CABIN1: variants seen among roughly 807,000 people sequenced by gnomAD.
CABIN1 encodes the protein calcineurin binding protein 1, also known as calcineurin-binding protein cabin-1.
In CABIN1, 133 loss-of-function variants were observed where a neutral mutation model predicts 227.7. The observed-to-expected ratio is 0.58, with a 90% CI of 0.51 to 0.67. The LOEUF (loss-of-function observed/expected upper bound fraction) is 0.67. CABIN1 is among the 30% of genes least tolerant of loss of function. CABIN1 has a pLI of 0.00. For missense variants in CABIN1, 2,408 were observed against 2,852.5 expected (o/e 0.84, Z 3.55); for synonymous variants, 1,086 against 1,155.1 (o/e 0.94, Z 1.21).
At chr22:24,137,390 A>G (rs2044487591) in intron 29 of CABIN1, among the ~76,000 whole-genome samples, 1 of 152,114 alleles carries the variant, frequency 6.6e-6, no homozygotes, top group Non-Finnish European at 1.5e-5. Flanking sequence ...AGTTTCTGGG[A>G]CCTTCCAAAA....
chr22:24,038,317 G>A, intron 3 of CABIN1, 31 bp from the exon 4 acceptor site: 1 of 1,550,970 alleles, frequency 6.4e-7, no homozygotes, highest in Non-Finnish European at 8.9e-7. Flanking sequence ...TCTTTATGCT[G>A]TATGAAAACA....
At chr22:24,050,747 T>C (rs184599138) in intron 7 of CABIN1, 78 bp from the exon 8 acceptor site, 8 of 1,552,594 alleles carry the variant, frequency 5.2e-6, no homozygotes, top group Middle Eastern at 1.9e-4. Context: ...TTAACCTAAA[T>C]GCATTTTTGT....
At chr22:24,149,226 C>T (rs144415246) in intron 29 of CABIN1, among the ~76,000 whole-genome samples, 1 of 152,358 alleles carries the variant, frequency 6.6e-6, no homozygotes, top group Non-Finnish European at 1.5e-5. Context: ...TCACCCCAGC[C>T]AGCCTCAGGC....
At chr22:24,051,850 A>C (rs1209349401) in intron 8 of CABIN1, among the ~76,000 whole-genome samples, 4 of 151,820 alleles carry the variant, frequency 2.6e-5, no homozygotes, top group South Asian at 2.1e-4. Flanking sequence ...CATAGCACCC[A>C]CTCAGGAAGG....
intron 1 of CABIN1, among the ~76,000 whole-genome samples, chr22:24,017,019 A>G (rs964175358): frequency 2.7e-5 from 4 of 150,672 alleles, no homozygotes; most frequent in African/African-American, 9.7e-5. Flanking sequence ...GTGATAAAAT[A>G]TAAGCAACAT....
chr22:24,169,458 C>T (rs1026138497), intron 33 of CABIN1, among the ~76,000 whole-genome samples: 6 of 152,170 alleles, frequency 3.9e-5, no homozygotes, highest in East Asian at 3.9e-4. Flanking sequence ...ATTACGTCTG[C>T]GGAAGCCCTC....
At chr22:24,064,013 GA>G in intron 14 of CABIN1, 21 bp from the exon 15 acceptor site, 1 of 1,613,894 alleles carries the variant, frequency 6.2e-7, no homozygotes, top group Non-Finnish European at 8.5e-7. Context: ...TTGGTTCCCT[GA>G]CCTGTTTTCC....
chr22:24,112,835 A>G (rs538128089), intron 26 of CABIN1, among the ~76,000 whole-genome samples: 47 of 151,836 alleles, frequency 3.1e-4, no homozygotes, highest in African/African-American at 1.1e-3. Flanking sequence ...TTCCTCCCCC[A>G]CCTCCATGCC....
At chr22:24,058,647 G>A (rs550002235) in intron 10 of CABIN1, among the ~76,000 whole-genome samples, 1 of 152,288 alleles carries the variant, frequency 6.6e-6, no homozygotes, top group Middle Eastern at 3.4e-3. Context: ...CTTAGTTGTT[G>A]GGCTCCCATG....
chr22:24,021,788 G>A (rs1241803250), intron 1 of CABIN1, among the ~76,000 whole-genome samples: 4 of 152,288 alleles, frequency 2.6e-5, no homozygotes, highest in South Asian at 2.1e-4. Flanking sequence ...AGGTTCAAGC[G>A]ATTCTCCTGC....
chr22:24,142,627 C>T (rs762879543), intron 29 of CABIN1, among the ~76,000 whole-genome samples: 5 of 152,170 alleles, frequency 3.3e-5, no homozygotes, highest in South Asian at 2.1e-4. Context: ...TGCCCCCAGG[C>T]GCCAGCCCCA....
At chr22:24,105,696 T>A (rs1324241093) in intron 26 of CABIN1, among the ~76,000 whole-genome samples, 1 of 152,092 alleles carries the variant, frequency 6.6e-6, no homozygotes, top group Non-Finnish European at 1.5e-5. Context: ...CTCTCCTACA[T>A]CAAAGAGGCT....
At chr22:24,130,846 C>T (rs1033871149) in intron 28 of CABIN1, among the ~76,000 whole-genome samples, 5 of 152,212 alleles carry the variant, frequency 3.3e-5, no homozygotes, top group Admixed American at 6.5e-5. Context: ...CACTCTCCAC[C>T]AGTACACAGT....
At chr22:24,081,302 G>T (rs530879209) in intron 19 of CABIN1, among the ~76,000 whole-genome samples, 1 of 152,132 alleles carries the variant, frequency 6.6e-6, no homozygotes, top group African/African-American at 2.4e-5. Context: ...TCTTTTTGGG[G>T]AGTGTTATAA....
intron 1 of CABIN1, among the ~76,000 whole-genome samples, chr22:24,025,596 C>G (rs1315109904): frequency 6.6e-6 from 1 of 152,180 alleles, no homozygotes; most frequent in Non-Finnish European, 1.5e-5. Flanking sequence ...ATTCTTTTAC[C>G]AAATATCAGC....
intron 18 of CABIN1, 26 bp downstream of exon 18, chr22:24,072,536 G>T (rs1458078384): frequency 5.6e-6 from 9 of 1,613,734 alleles, no homozygotes; most frequent in Non-Finnish European, 7.6e-6. Context: ...GTGCAGTGGG[G>T]ATGAGCTCTG....
intron 6 of CABIN1, among the ~76,000 whole-genome samples, chr22:24,048,066 G>A (rs1381192834): frequency 6.6e-6 from 1 of 152,220 alleles, no homozygotes; most frequent in Admixed American, 6.5e-5. Flanking sequence ...AGGAGCTGGA[G>A]TTGGCACAGG....
chr22:24,116,415 C>A (rs1165915420), intron 27 of CABIN1, among the ~76,000 whole-genome samples: 3 of 152,184 alleles, frequency 2.0e-5, no homozygotes, highest in Admixed American at 2.0e-4. Flanking sequence ...TCCTGGTCAA[C>A]TAGAGGCCTA....
intron 29 of CABIN1, among the ~76,000 whole-genome samples, chr22:24,151,391 G>A (rs1043666023): frequency 4.6e-5 from 7 of 152,054 alleles, no homozygotes; most frequent in Admixed American, 1.3e-4. Flanking sequence ...CTAGCCAGAG[G>A]AGCCAGATCC....
Sources: allele counts gnomAD v4.1 joint callset (sites outside exome capture counted in the v4.1 genomes callset), GRCh38; gene constraint gnomAD v4.1.1; transcripts MANE v1.5; gene names NCBI Gene and HGNC (gene_info 2026-07-23, HGNC 2026-07-21).